The following SOS2 variants were observed in gnomAD, a reference collection of about 807,000 sequenced individuals.
The protein encoded by SOS2 is SOS Ras/Rho guanine nucleotide exchange factor 2, also known as son of sevenless homolog 2.
A neutral mutation model predicts 148.2 loss-of-function variants in SOS2; 65 were observed. The observed-to-expected ratio is 0.44, with a 90% CI of 0.36 to 0.54. SOS2 has a LOEUF of 0.54. SOS2 is among the 20% of genes least tolerant of loss of function. The probability of loss-of-function intolerance (pLI) is 0.00; values close to 1 mark genes in which losing one functional copy is unlikely to be tolerated. For synonymous variants in SOS2, 539 were observed against 537.1 expected (o/e 1.00, Z -0.05); for missense variants, 1,341 against 1,590.2 (o/e 0.84, Z 2.67).
chr14:50,185,606 C>T (rs1313158475), intron 5 of SOS2, among the ~76,000 whole-genome samples: 2 of 151,026 alleles, frequency 1.3e-5, no homozygotes, highest in Non-Finnish European at 2.9e-5. Context: ...GCAGGAGAAT[C>T]GCTTGAACCC....
At chr14:50,220,414 A>AAAAAAAAAAAAAAAAAAAAAAAAAC (rs1887170301) in intron 1 of SOS2, among the ~76,000 whole-genome samples, 1 of 146,602 alleles carries the variant, frequency 6.8e-6, no homozygotes, top group East Asian at 2.0e-4. Context: ...TCAAAAAAAA[A>AAAAAAAAAAAAAAAAAAAAAAAAAC]AAAAAAAAGA....
chr14:50,163,600 A>G (rs969211567), intron 8 of SOS2, among the ~76,000 whole-genome samples: 1 of 152,202 alleles, frequency 6.6e-6, no homozygotes, highest in Non-Finnish European at 1.5e-5. Flanking sequence ...CAAAGTCAAA[A>G]TATCATAGAA....
chr14:50,124,338 G>A (rs984129007), intron 21 of SOS2, among the ~76,000 whole-genome samples: 2 of 152,182 alleles, frequency 1.3e-5, no homozygotes, highest in East Asian at 1.9e-4. Flanking sequence ...AAGAAAAGAC[G>A]AGACAGTAGG....
chr14:50,138,511 C>A, intron 18 of SOS2, 101 bp downstream of exon 18: 1 of 534,968 alleles, frequency 1.9e-6, no homozygotes, highest in South Asian at 4.2e-5. Flanking sequence ...ACTGTAGTCA[C>A]CCTGTTGTGC....
At chr14:50,210,974 C>T (rs1251625147) in intron 1 of SOS2, among the ~76,000 whole-genome samples, 1 of 151,918 alleles carries the variant, frequency 6.6e-6, no homozygotes, top group Non-Finnish European at 1.5e-5. Flanking sequence ...AAAAACTTTG[C>T]CATTAAGTAC....
At position 50,231,195 on chromosome 14, in the gene SOS2, A is replaced by G; in HGVS notation, c.87+2T>C. On this transcript the variant is annotated splice_donor_variant, in intron 1 of 22. Transcript: ENST00000216373. LOFTEE classifies it high-confidence loss of function. ...GCCGGCCGCCCCGCCCCTAGCACTG[A>G]CCTTCCGCAGGGCCGAGACCAACAG... The G allele has an allele frequency of 6.8e-7, 1 of 1,464,762 alleles. No individual in the cohort carries two copies. Among genetic ancestry groups the G allele is most frequent in the Non-Finnish European group, 9.2e-7 (1 of 1,091,720 alleles). The allele number at this position is 1,464,762 out of a possible 1,614,324, so 90.7% of individuals were successfully genotyped here.
intron 4 of SOS2, among the ~76,000 whole-genome samples, chr14:50,193,875 G>C (rs1886234197): frequency 6.6e-6 from 1 of 151,950 alleles, no homozygotes; most frequent in South Asian, 2.1e-4. Flanking sequence ...CTCCTGAGTA[G>C]CTGGGATTAT....
At chr14:50,165,146 A>C (rs1004222174) in intron 8 of SOS2, among the ~76,000 whole-genome samples, 4 of 152,188 alleles carry the variant, frequency 2.6e-5, no homozygotes, top group Admixed American at 6.5e-5. Flanking sequence ...ATCTTACAAC[A>C]AGGATTTTCT....
chr14:50,146,580 AG>A (rs1451619034), intron 14 of SOS2, among the ~76,000 whole-genome samples: 1 of 152,106 alleles, frequency 6.6e-6, no homozygotes, highest in East Asian at 1.9e-4. Context: ...CAGGAAGCAG[AG>A]GGTTGCAGTG....
intron 4 of SOS2, among the ~76,000 whole-genome samples, chr14:50,189,282 A>G (rs934657676): frequency 7.4e-6 from 1 of 136,002 alleles, no homozygotes; most frequent in Middle Eastern, 3.4e-3. Flanking sequence ...ATACATATGT[A>G]TATGTATATA....
Position 50,195,078 on chromosome 14 carries a change from C to T in SOS2, c.510+4613G>A, listed in dbSNP as rs114303365. ...ATGAAGTTTTCTAGGGATAAATTCA[C>T]GTTCATTCTTACAACAATAACAAAA... On this transcript the variant is annotated intron_variant, in intron 4 of 22. Coordinates refer to ENST00000216373, the MANE Select transcript of SOS2 (RefSeq NM_006939.4). 4.3e-3 allele frequency among the ~76,000 whole-genome samples: 650 copies of T among 152,154 alleles called. 4 individuals are homozygous for T. Among genetic ancestry groups the T allele is most frequent in the African/African-American group, 0.015 (621 of 41,510 alleles).
chr14:50,170,619 G>A (rs944671470), intron 8 of SOS2, among the ~76,000 whole-genome samples: 1 of 152,088 alleles, frequency 6.6e-6, no homozygotes, highest in East Asian at 1.9e-4. Context: ...GCTGCAGTAA[G>A]CCATGATTGT....
intron 14 of SOS2, among the ~76,000 whole-genome samples, chr14:50,148,886 A>T (rs546139584): frequency 6.6e-6 from 1 of 152,128 alleles, no homozygotes; most frequent in African/African-American, 2.4e-5. Flanking sequence ...GCTAATCAGG[A>T]TAACTCCATG....
chr14:50,150,592 T>TG (rs1027100531), intron 13 of SOS2, among the ~76,000 whole-genome samples: 3 of 151,518 alleles, frequency 2.0e-5, no homozygotes, highest in Non-Finnish European at 4.4e-5. Context: ...GACAGGGTCT[T>TG]GCTCTGTGGC....
chr14:50,208,034 A>C (rs1414032458), intron 1 of SOS2, among the ~76,000 whole-genome samples: 14 of 152,146 alleles, frequency 9.2e-5, no homozygotes, highest in Admixed American at 9.2e-4. Flanking sequence ...GGAGGCTCAC[A>C]CCTATAATCC....
intron 12 of SOS2, chr14:50,156,257 T>TACACACACAC (rs10622349): frequency 1.3e-5 from 2 of 148,634 alleles, no homozygotes; most frequent in South Asian, 2.1e-4. Flanking sequence ...TAGTGGTACG[T>TACACACACAC]ACACACACAC....
Position 50,118,745 on chromosome 14 carries a change from G to A in SOS2, c.3598C>T (p.Leu1200=). ...PVPTGAFDGP[L]HSPPPPPPRD... ...GGTGGTGGCGGAGGTGGACTATGCA[G>A]AGGCCCATCAAATGCACCAGTAGGA... The change falls in exon 23 of 23, where the codon CTG becomes TTG. Residue 1200 remains leucine, a synonymous_variant. Coordinates refer to ENST00000216373, the MANE Select transcript of SOS2 (RefSeq NM_006939.4). 1.9e-6 allele frequency: 3 copies of A among 1,613,532 alleles called. No individual in the cohort carries two copies. The highest frequency in any genetic ancestry group is 2.5e-6 in the Non-Finnish European group (3 of 1,179,912).
intron 1 of SOS2, among the ~76,000 whole-genome samples, chr14:50,222,133 T>C (rs1887221113): frequency 6.6e-6 from 1 of 152,160 alleles, no homozygotes; most frequent in Non-Finnish European, 1.5e-5. Context: ...GTATTTAAAT[T>C]CCATTCAGCA....
At chr14:50,187,258 T>C (rs1280539168) in intron 5 of SOS2, among the ~76,000 whole-genome samples, 3 of 152,002 alleles carry the variant, frequency 2.0e-5, no homozygotes, top group Admixed American at 6.6e-5. Flanking sequence ...GCAATCCTCC[T>C]GTCTCAGGTT....
Sources: gnomAD v4.1 joint callset for allele counts (sites outside exome capture counted in the v4.1 genomes callset) on GRCh38, gnomAD v4.1.1 for gene constraint, MANE v1.5 for transcripts, NCBI Gene and HGNC (gene_info 2026-07-23, HGNC 2026-07-21) for gene names.